Variants in NEURL1 observed in about 807,000 individuals in gnomAD.
The protein encoded by NEURL1 is E3 ubiquitin-protein ligase NEURL1.
NEURL1 carries 26 observed loss-of-function variants against 41.2 expected under a neutral mutation model. The observed-to-expected ratio is 0.63, with a 90% CI of 0.46 to 0.87. The LOEUF (loss-of-function observed/expected upper bound fraction) is 0.87, where lower values mean the gene tolerates loss of function less well. Among genes scored for constraint, NEURL1 ranks in the 40% least tolerant of loss-of-function variants. The probability of loss-of-function intolerance (pLI) is 0.00; values close to 1 mark genes in which losing one functional copy is unlikely to be tolerated. For missense variants in NEURL1, 761 were observed against 871.1 expected (o/e 0.87, Z 1.59); for synonymous variants, 400 against 402.3 (o/e 0.99, Z 0.07).
intron 4 of NEURL1, 65 bp from the exon 5 acceptor site, chr10:103,589,449 A>C: frequency 7.3e-5 from 110 of 1,503,774 alleles, no homozygotes; most frequent in Middle Eastern, 1.8e-4. Context: ...TGTGAGGGAC[A>C]GAGCTTTCTC....
At chr10:103,587,877 T>C (rs1161533667) in intron 4 of NEURL1, among the ~76,000 whole-genome samples, 1 of 152,204 alleles carries the variant, frequency 6.6e-6, no homozygotes, top group Non-Finnish European at 1.5e-5. Context: ...TTGAATATTC[T>C]TAGAAATAAT....
chr10:103,519,575 A>G (rs2133854084), intron 1 of NEURL1, among the ~76,000 whole-genome samples: 1 of 152,246 alleles, frequency 6.6e-6, no homozygotes, highest in South Asian at 2.1e-4. Flanking sequence ...TGGGCTCCAC[A>G]TCGTATGCAT....
intron 1 of NEURL1, among the ~76,000 whole-genome samples, chr10:103,531,956 T>G (rs1331483022): frequency 1.3e-5 from 2 of 152,246 alleles, no homozygotes; most frequent in African/African-American, 4.8e-5. Flanking sequence ...CTTGTCTCTA[T>G]TTACCATTTT....
chr10:103,538,651 CT>C lies in NEURL1; in HGVS notation c.86-32208del, dbSNP rs200837090. 8.2e-3 allele frequency among the ~76,000 whole-genome samples: 1,170 copies of C among 142,624 alleles called. 32 individuals are homozygous for C. Among genetic ancestry groups the C allele is most frequent in the Admixed American group, 0.054 (767 of 14,236 alleles). The allele number at this position is 142,624 out of a possible 152,430, so 93.6% of individuals were successfully genotyped here. A position where few individuals can be genotyped will look rare whatever the true frequency, so the allele number is the denominator to read the frequency against. ...TCTTTTTTGTTTATTTTCTTTCTTC[CT>C]TTTTTTTTTTTTGAGATGGTGTCTC... On this transcript the variant is annotated intron_variant, in intron 1 of 5. Coordinates refer to ENST00000369780, the MANE Select transcript of NEURL1 (RefSeq NM_004210.5).
At position 103,591,723 on chromosome 10, in the gene NEURL1, C is replaced by T. The variant is rs961406365; in HGVS notation, c.*1351C>T. On this transcript the variant is annotated 3_prime_UTR_variant, in exon 6 of 6. Coordinates refer to ENST00000369780, the MANE Select transcript of NEURL1 (RefSeq NM_004210.5). ...CCCAGAGCCATAGAGCACCCTTCCT[C>T]CTGGGCCAGAGCTGGGTTATCATGG... 2 of 152,256 alleles carry T rather than the reference C, an allele frequency of 1.3e-5. No homozygotes were observed. The highest frequency in any genetic ancestry group is 4.8e-5 in the African/African-American group (2 of 41,456). The allele number at this position is 152,256 out of a possible 1,614,324, so 9.4% of individuals were successfully genotyped here. A position where few individuals can be genotyped will look rare whatever the true frequency, so the allele number is the denominator to read the frequency against.
chr10:103,536,188 A>G, intron 1 of NEURL1, among the ~76,000 whole-genome samples: 1 of 152,128 alleles, frequency 6.6e-6, no homozygotes, highest in Non-Finnish European at 1.5e-5. Flanking sequence ...CTGTGTAGCC[A>G]TCTCAAGTTT....
intron 1 of NEURL1, among the ~76,000 whole-genome samples, chr10:103,565,431 T>C (rs984733810): frequency 6.6e-6 from 1 of 152,110 alleles, no homozygotes; most frequent in Non-Finnish European, 1.5e-5. Flanking sequence ...TCTCTCTCCA[T>C]ACCTGGGGCA....
chr10:103,541,704 G>A (rs1221368284), intron 1 of NEURL1, among the ~76,000 whole-genome samples: 1 of 152,218 alleles, frequency 6.6e-6, no homozygotes, highest in Non-Finnish European at 1.5e-5. Flanking sequence ...GATGACTGGG[G>A]TGAGGGACAT....
At chr10:103,569,852 C>G (rs1243907026) in intron 1 of NEURL1, among the ~76,000 whole-genome samples, 2 of 152,120 alleles carry the variant, frequency 1.3e-5, no homozygotes, top group Non-Finnish European at 2.9e-5. Context: ...GTCTGGCTGG[C>G]CTGGGGCTTC....
intron 1 of NEURL1, among the ~76,000 whole-genome samples, chr10:103,543,026 T>C (rs1052562569): frequency 6.6e-6 from 1 of 152,194 alleles, no homozygotes; most frequent in Non-Finnish European, 1.5e-5. Context: ...GGCTTTTTTC[T>C]TCTTGGAAGG....
intron 1 of NEURL1, among the ~76,000 whole-genome samples, chr10:103,539,355 G>A (rs542752615): frequency 4.6e-5 from 7 of 152,246 alleles, no homozygotes; most frequent in Admixed American, 3.9e-4. Flanking sequence ...TTATTTTTGA[G>A]TTTTAAGAGT....
intron 1 of NEURL1, among the ~76,000 whole-genome samples, chr10:103,496,392 T>G (rs1238283681): frequency 6.6e-6 from 1 of 152,058 alleles, no homozygotes; most frequent in East Asian, 1.9e-4. Context: ...GAAGACTGTA[T>G]GATCCCAATT....
intron 1 of NEURL1, among the ~76,000 whole-genome samples, chr10:103,565,312 C>T (rs75464427): frequency 1.3e-5 from 2 of 152,176 alleles, no homozygotes; most frequent in Non-Finnish European, 2.9e-5. Flanking sequence ...GATCACACAG[C>T]GAGCTGAGTA....
chr10:103,515,412 G>C (rs2034182424), intron 1 of NEURL1: 1 of 152,244 alleles, frequency 6.6e-6, no homozygotes, highest in African/African-American at 2.4e-5. Context: ...ACTGGAAAAG[G>C]AAAGAGAGAT....
rs2035218017 is a variant in NEURL1 at position 103,558,766 on chromosome 10, C to A, written c.86-12106C>A. Among the ~76,000 whole-genome samples the A allele has an allele frequency of 6.6e-6, 1 of 152,092 alleles. No homozygotes were observed. The highest frequency in any genetic ancestry group is 1.5e-5 in the Non-Finnish European group (1 of 68,008). On this transcript the variant is annotated intron_variant, in intron 1 of 5. Coordinates refer to ENST00000369780, the MANE Select transcript of NEURL1 (RefSeq NM_004210.5). This position sits in a 1 kb window ranked among gnomAD's most constrained non-coding sequence, Gnocchi z 4.2. ...GGCAGCAGTGACACTGGGAGGTCCC[C>A]CTCCTCTCGCCTCTGCCGTCCTCTC...
intron 1 of NEURL1, among the ~76,000 whole-genome samples, chr10:103,527,698 G>A (rs570686126): frequency 8.5e-5 from 13 of 152,296 alleles, no homozygotes; most frequent in Middle Eastern, 3.4e-3. Context: ...ATGCAGCCCA[G>A]CATATCTCAG....
In NEURL1 at chr10:103,584,658, C is replaced by T; in HGVS notation, c.772C>T (p.Pro258Ser). The part of the protein sequence containing the change: ...LSVSLCDLNV[P>S]GADGDEAAPA... ...GGTGAGCCTATGCGACCTCAACGTG[C>T]CGGGCGCGGACGGCGACGAGGCCGC... Residue 258 changes from proline (P) to serine (S), a missense_variant, in exon 4 of 6, where the codon CCG becomes TCG. Pro to Ser is a moderately conservative substitution (Grantham distance 74). Coordinates refer to ENST00000369780, the MANE Select transcript of NEURL1 (RefSeq NM_004210.5). 1 of 1,425,994 alleles carries T rather than the reference C, an allele frequency of 7.0e-7. No individual in the cohort carries two copies. Among genetic ancestry groups the T allele is most frequent in the Non-Finnish European group, 9.1e-7 (1 of 1,096,098 alleles). The allele number at this position is 1,425,994 out of a possible 1,614,324, so 88.3% of individuals were successfully genotyped here. A position where few individuals can be genotyped will look rare whatever the true frequency, so the allele number is the denominator to read the frequency against.
At position 103,571,732 on chromosome 10, in the gene NEURL1, G is replaced by A. The variant is rs765005636; in HGVS notation, c.559G>A (p.Val187Ile). The change falls in exon 3 of 6, where the codon GTT (valine) becomes ATT (isoleucine). Residue 187 changes from valine (V) to isoleucine (I), a missense_variant. Physicochemically the swap from Val to Ile is conservative, Grantham distance 29. Around this residue, in one of 5 missense-constraint regions of NEURL1, gnomAD observed 114 missense variants for 144.8 expected, o/e 0.79. Coordinates refer to ENST00000369780, the MANE Select transcript of NEURL1 (RefSeq NM_004210.5). ...RVFHRINDSA[V>I]MLFFSGVRTA... is the part of the protein sequence containing the mutation. ...CTTCCACCGCATCAACGACTCGGCT[G>A]TTATGCTGTTCTTCAGCGGGGTCCG... 4.3e-5 allele frequency: 69 copies of A among 1,614,076 alleles called. No individual in the cohort carries two copies. The highest frequency in any genetic ancestry group is 6.7e-5 in the Admixed American group (4 of 60,016).
Position 103,494,528 on chromosome 10 carries a change from G to A in NEURL1, c.85+56G>A, listed in dbSNP as rs1014103366. 3.4e-6 allele frequency: 5 copies of A among 1,453,550 alleles called. No homozygotes were observed. The African/African-American group carries it at 7.3e-5, about 21-fold the overall frequency. 90.0% of individuals were successfully genotyped at this position (1,453,550 alleles called of 1,614,324 possible). A position where few individuals can be genotyped will look rare whatever the true frequency, so the allele number is the denominator to read the frequency against. ...ACTGGGGCGCAGGTGGAGGGCCAGG[G>A]AGGTGTGGTTGGGGAGGGCGGGCAG... On this transcript the variant is annotated intron_variant, in intron 1 of 5. Coordinates refer to ENST00000369780, the MANE Select transcript of NEURL1 (RefSeq NM_004210.5).
Sources: gnomAD v4.1 joint callset for allele counts (sites outside exome capture counted in the v4.1 genomes callset) on GRCh38, gnomAD v4.1.1 for gene constraint, gnomAD v4.1.1 regional missense constraint, Gnocchi (gnomAD v3.1) non-coding constraint, MANE v1.5 for transcripts, NCBI Gene and HGNC (gene_info 2026-07-23, HGNC 2026-07-21) for gene names.